CAMSAP2: variants seen among roughly 807,000 people sequenced by gnomAD.
The protein encoded by CAMSAP2 is calmodulin-regulated spectrin-associated protein 2.
In CAMSAP2, 26 loss-of-function variants were observed where a neutral mutation model predicts 146.1. The ratio of observed to expected loss-of-function variants is 0.18; its 90% confidence interval spans 0.13 to 0.25. CAMSAP2 has a LOEUF of 0.25. Among genes scored for constraint, CAMSAP2 ranks in the 10% least tolerant of loss-of-function variants. The pLI, the probability that CAMSAP2 is intolerant of heterozygous loss-of-function variation, is 1.00. For missense variants in CAMSAP2, 1,381 were observed against 1,759.3 expected (o/e 0.78, Z 3.85); for synonymous variants, 499 against 596.6 (o/e 0.84, Z 2.38).
At chr1:200,796,562 C>T (rs1024316946) in intron 2 of CAMSAP2, among the ~76,000 whole-genome samples, 1 of 152,030 alleles carries the variant, frequency 6.6e-6, no homozygotes, top group African/African-American at 2.4e-5. Flanking sequence ...GAAAGTATTG[C>T]CATCCTAGGA....
chr1:200,744,841 C>T (rs1558157059), intron 1 of CAMSAP2, among the ~76,000 whole-genome samples: 1 of 151,834 alleles, frequency 6.6e-6, no homozygotes. Flanking sequence ...ACAACATAGA[C>T]CAGATTGATG....
chr1:200,852,461 C>T (rs1558211209), intron 11 of CAMSAP2, 80 bp from the exon 12 acceptor site: 1 of 1,510,012 alleles, frequency 6.6e-7, no homozygotes, highest in Non-Finnish European at 9.0e-7. Flanking sequence ...GGACTAACCA[C>T]AAAATGTGAC....
At chr1:200,817,561 C>T (rs1666638353) in intron 4 of CAMSAP2, among the ~76,000 whole-genome samples, 1 of 152,028 alleles carries the variant, frequency 6.6e-6, no homozygotes, top group Non-Finnish European at 1.5e-5. Context: ...ACTTTAATCT[C>T]CATTTGGTTT....
At chr1:200,760,699 T>C (rs1382630466) in intron 1 of CAMSAP2, 140 bp from the exon 2 acceptor site, 3 of 583,940 alleles carry the variant, frequency 5.1e-6, no homozygotes, top group Non-Finnish European at 8.3e-6. Flanking sequence ...GTTTAATGAA[T>C]CATCTTTTCA....
Position 200,790,954 on chromosome 1 carries a change from C to G in CAMSAP2, c.400-16422C>G, listed in dbSNP as rs1049719643. On this transcript the variant is annotated intron_variant, in intron 2 of 16. Transcript: ENST00000358823. ...CCGCCTCTCAGGTTCAAGTGATTCT[C>G]CAGCCTCAGCCTCCCAAATAGCTGG... is the stretch of plus-strand genomic sequence containing the variant. Among the ~76,000 whole-genome samples, 4 of 152,082 alleles carry G rather than the reference C, an allele frequency of 2.6e-5. No individual in the cohort carries two copies. The South Asian group carries it at 6.2e-4, about 24-fold the overall frequency.
rs146379620 is a variant in CAMSAP2, at chr1:200,806,022, T to C, written c.400-1354T>C. Reference sequence around the variant, plus strand: ...TGGAAAAAATAGAGAATAATATTTCTATATTTTGGGGTTGGAGAAGACCTT... The same window carrying C: ...TGGAAAAAATAGAGAATAATATTTCCATATTTTGGGGTTGGAGAAGACCTT... On this transcript the variant is annotated intron_variant, in intron 2 of 16. Coordinates refer to ENST00000358823, the MANE Select transcript of CAMSAP2 (RefSeq NM_203459.4). Among the ~76,000 whole-genome samples, 632 of 152,300 alleles carry C rather than the reference T, an allele frequency of 4.1e-3. 10 individuals are homozygous for C. Among genetic ancestry groups the C allele is most frequent in the African/African-American group, 0.015 (605 of 41,562 alleles).
rs1302059032 is a variant in CAMSAP2 at position 200,739,620 on chromosome 1, A to G, written c.-208A>G. The G allele has an allele frequency of 6.6e-6, 2 of 304,306 alleles. No individual in the cohort carries two copies. The highest frequency in any genetic ancestry group is 6.5e-5 in the East Asian group (1 of 15,364). The allele number at this position is 304,306 out of a possible 1,614,324, so 18.9% of individuals were successfully genotyped here. ...GCGCCGCCACATTCCTATGCCCGGGAGCGGCGGCGGCGGCGGCGGCGGCTC... is the reference window on the plus strand; with the variant it reads ...GCGCCGCCACATTCCTATGCCCGGGGGCGGCGGCGGCGGCGGCGGCGGCTC... On this transcript the variant is annotated 5_prime_UTR_variant, in exon 1 of 17. Coordinates refer to ENST00000358823, the MANE Select transcript of CAMSAP2 (RefSeq NM_203459.4). This position sits in a 1 kb window ranked among gnomAD's most constrained non-coding sequence, Gnocchi z 4.8.
intron 6 of CAMSAP2, among the ~76,000 whole-genome samples, chr1:200,839,770 G>C (rs993710781): frequency 2.0e-5 from 3 of 152,132 alleles, no homozygotes; most frequent in Non-Finnish European, 4.4e-5. Flanking sequence ...TGGGTGATGG[G>C]TGCACCAGAA....
At chr1:200,762,041 C>T (rs1283103910) in intron 2 of CAMSAP2, among the ~76,000 whole-genome samples, 12 of 151,938 alleles carry the variant, frequency 7.9e-5, no homozygotes, top group Admixed American at 6.6e-5. Context: ...TTTCCATACT[C>T]GATTAAATCA....
At chr1:200,817,893 TC>T (rs1666649693) in intron 4 of CAMSAP2, among the ~76,000 whole-genome samples, 1 of 152,196 alleles carries the variant, frequency 6.6e-6, no homozygotes, top group Non-Finnish European at 1.5e-5. Context: ...TTCTCCTTTT[TC>T]CCCATCACCC....
intron 2 of CAMSAP2, among the ~76,000 whole-genome samples, chr1:200,781,699 C>T (rs996497397): frequency 2.0e-5 from 3 of 151,848 alleles, no homozygotes; most frequent in Non-Finnish European, 4.4e-5. Context: ...GCTCACTATA[C>T]CCGGCTAATT....
intron 2 of CAMSAP2, among the ~76,000 whole-genome samples, chr1:200,765,931 TTAGA>T (rs1209722866): frequency 1.3e-5 from 2 of 152,174 alleles, no homozygotes; most frequent in African/African-American, 2.4e-5. Flanking sequence ...AGTCTGTAAG[TTAGA>T]TAATGAGGAG....
At chr1:200,812,097 G>A (rs1198512846) in intron 3 of CAMSAP2, among the ~76,000 whole-genome samples, 1 of 151,864 alleles carries the variant, frequency 6.6e-6, no homozygotes, top group Non-Finnish European at 1.5e-5. Flanking sequence ...TTCTTTCATA[G>A]CACTTTTCAG....
intron 15 of CAMSAP2, among the ~76,000 whole-genome samples, chr1:200,856,707 T>G (rs568342098): frequency 6.6e-6 from 1 of 152,006 alleles, no homozygotes; most frequent in African/African-American, 2.4e-5. Context: ...TGGGAGAACA[T>G]GTATGGGGAA....
chr1:200,840,001 C>G (rs1236024200), intron 6 of CAMSAP2, among the ~76,000 whole-genome samples: 2 of 152,048 alleles, frequency 1.3e-5, no homozygotes, highest in Non-Finnish European at 1.5e-5. Flanking sequence ...ATCTGTATAT[C>G]AACATTCTAA....
At chr1:200,831,902 CAA>C (rs1667053158) in intron 4 of CAMSAP2, among the ~76,000 whole-genome samples, 1 of 152,004 alleles carries the variant, frequency 6.6e-6, no homozygotes, top group African/African-American at 2.4e-5. Flanking sequence ...TATTTGGATA[CAA>C]AGTGTTCAAA....
chr1:200,792,208 C>G (rs530111937), intron 2 of CAMSAP2, among the ~76,000 whole-genome samples: 1 of 152,198 alleles, frequency 6.6e-6, no homozygotes, highest in East Asian at 1.9e-4. Flanking sequence ...ATGTGTAAGT[C>G]AAGCTGATGT....
chr1:200,739,319 A>AG lies in CAMSAP2; in HGVS notation c.-505dup, dbSNP rs1301782192. On this transcript the variant is annotated 5_prime_UTR_variant, in exon 1 of 17. Transcript: ENST00000358823. The surrounding 1 kb of genome is among the most constrained non-coding windows in gnomAD (Gnocchi z 4.8). ...CGTCCCTCCGCCCACCCGGGGCCTG[A>AG]GGGGTCTCCCCGCTCCGAGGGAAGG... Among the ~76,000 whole-genome samples, 3 of 151,972 alleles carry AG rather than the reference A, an allele frequency of 2.0e-5. No individual in the cohort carries two copies. The highest frequency in any genetic ancestry group is 7.2e-5 in the African/African-American group (3 of 41,390).
chr1:200,849,248 G>C lies in CAMSAP2; in HGVS notation c.2479G>C (p.Asp827His). 2 of 1,613,872 alleles carry C rather than the reference G, an allele frequency of 1.2e-6. No homozygotes were observed. The highest frequency in any genetic ancestry group is 1.7e-6 in the Non-Finnish European group (2 of 1,180,014). Residue 827 changes from aspartate (D) to histidine (H), a missense_variant, in exon 11 of 17, where the codon GAT becomes CAT. Physicochemically the swap from Asp to His is moderately conservative, Grantham distance 81. Around this residue, in one of 4 missense-constraint regions of CAMSAP2, gnomAD observed 560 missense variants for 715.9 expected, o/e 0.78. Transcript: ENST00000358823. This position sits in a 1 kb window ranked among gnomAD's most constrained non-coding sequence, Gnocchi z 6.3. ...RAKEKESQKT[D>H]GQRSKSLADI... ...AAAAGAAAAGGAATCACAAAAAACT[G>C]ATGGACAAAGGAGCAAGTCACTGGC...
Sources: gnomAD v4.1 joint callset for allele counts (sites outside exome capture counted in the v4.1 genomes callset) on GRCh38, gnomAD v4.1.1 for gene constraint, gnomAD v4.1.1 regional missense constraint, Gnocchi (gnomAD v3.1) non-coding constraint, MANE v1.5 for transcripts, NCBI Gene and HGNC (gene_info 2026-07-23, HGNC 2026-07-21) for gene names.